The following PCDHGB5 variants were observed in gnomAD, a reference collection of about 807,000 sequenced individuals.
The protein encoded by PCDHGB5 is protocadherin gamma-B5.
In PCDHGB5, 48 loss-of-function variants were observed where a neutral mutation model predicts 62.9. The ratio of observed to expected loss-of-function variants is 0.76; its 90% confidence interval spans 0.61 to 0.97. PCDHGB5 has a LOEUF of 0.97. Ranked by LOEUF, PCDHGB5 falls within the 50% of genes least tolerant of loss-of-function variation. The pLI is 0.00. For missense variants in PCDHGB5, 1,118 were observed against 1,198.6 expected, an observed-to-expected ratio of 0.93 and a Z score of 0.99; for synonymous variants, 474 against 511.2, an observed-to-expected ratio of 0.93 and a Z score of 0.98.
At chr5:141,499,689 CT>C (rs545067566) in intron 2 of PCDHGB5, among the ~76,000 whole-genome samples, 4,434 of 119,828 alleles carry the variant, frequency 0.037, 46 homozygotes, top group African/African-American at 0.083. Context: ...TAACAGATGA[CT>C]TTTTTTTTTT....
rs992096722 is a variant in PCDHGB5, at chr5:141,413,506, A to G, written c.2397+12982A>G. 3 of 1,613,910 alleles carry G rather than the reference A, an allele frequency of 1.9e-6. No individual in the cohort carries two copies. The highest frequency in any genetic ancestry group is 2.7e-5 in the African/African-American group (2 of 74,954). On this transcript the variant is annotated intron_variant, in intron 1 of 3. Coordinates refer to ENST00000617380, the MANE Select transcript of PCDHGB5 (RefSeq NM_018925.3). ...GAGCGCGCGGTGCGTGGTGAGTTTT[A>G]ATATCCTTGTGGAAGACAGGGTGAA... is the stretch of plus-strand genomic sequence containing the variant.
chr5:141,400,054 C>G lies in PCDHGB5; in HGVS notation c.1927C>G (p.Arg643Gly). 1 of 1,613,622 alleles carries G rather than the reference C, an allele frequency of 6.2e-7. No individual in the cohort carries two copies. The highest frequency in any genetic ancestry group is 8.5e-7 in the Non-Finnish European group (1 of 1,179,850). The change falls in exon 1 of 4, where the codon CGT becomes GGT. Residue 643 changes from arginine (R) to glycine (G), a missense_variant. Physicochemically the swap from Arg to Gly is moderately radical, Grantham distance 125 (BLOSUM62 -2). Transcript: ENST00000617380. Reference protein sequence around the residue: ...AARQRLLVAVRDGGQPPLSAT... With the variant: ...AARQRLLVAVGDGGQPPLSAT... The stretch of plus-strand genomic sequence containing the variant: ...CCGCCAGCGCCTGCTGGTTGCTGTG[C>G]GTGATGGTGGACAGCCGCCACTCTC...
At chr5:141,405,907 T>C (rs1471568204) in intron 1 of PCDHGB5, among the ~76,000 whole-genome samples, 2 of 152,218 alleles carry the variant, frequency 1.3e-5, no homozygotes, top group Non-Finnish European at 2.9e-5. Context: ...AGGAGGCATT[T>C]ATTAGTTATA....
At chr5:141,433,662 C>T (rs1377052782) in intron 1 of PCDHGB5, among the ~76,000 whole-genome samples, 1 of 151,950 alleles carries the variant, frequency 6.6e-6, no homozygotes, top group Non-Finnish European at 1.5e-5. Context: ...ATGGAGAAAC[C>T]CCGTCTATAC....
chr5:141,403,248 G>A lies in PCDHGB5; in HGVS notation c.2397+2724G>A, dbSNP rs778873368. 3.1e-6 allele frequency: 5 copies of A among 1,613,928 alleles called. No homozygotes were observed. The Admixed American group carries it at 6.7e-5, about 22-fold the overall frequency. On this transcript the variant is annotated intron_variant, in intron 1 of 3. Transcript: ENST00000617380. ...GACCGGGAGGAGCTCTGTGCTCAGA[G>A]CCCGCGGTGTCTGGTGAACTTTAAA...
At chr5:141,460,502 G>A (rs1300155108) in intron 1 of PCDHGB5, among the ~76,000 whole-genome samples, 1 of 152,094 alleles carries the variant, frequency 6.6e-6, no homozygotes, top group Non-Finnish European at 1.5e-5. Flanking sequence ...AAAATATGCT[G>A]AGAAGGCTAT....
chr5:141,491,232 G>C lies in PCDHGB5; in HGVS notation c.2398-3575G>C. The C allele has an allele frequency of 6.2e-7, 1 of 1,614,220 alleles. No individual in the cohort carries two copies. Among genetic ancestry groups the C allele is most frequent in the Non-Finnish European group, 8.5e-7 (1 of 1,180,034 alleles). On this transcript the variant is annotated intron_variant, in intron 1 of 3. Coordinates refer to ENST00000617380, the MANE Select transcript of PCDHGB5 (RefSeq NM_018925.3). The surrounding 1 kb of genome is among the most constrained non-coding windows in gnomAD (Gnocchi z 6.9). ...TCTCCTCCACAGCCACAGTGCTGCT[G>C]GTTCTGGAGGATGAGGACCCTGAGG... is the stretch of plus-strand genomic sequence containing the variant.
rs1440733700 is a variant in PCDHGB5 at position 141,441,803 on chromosome 5, G to A, written c.2397+41279G>A. 249 of 383,164 alleles carry A rather than the reference G, an allele frequency of 6.5e-4. 2 individuals carry two copies. Among genetic ancestry groups the A allele is most frequent in the African/African-American group, 4.8e-3 (220 of 45,902 alleles). The allele number at this position is 383,164 out of a possible 1,614,324, so 23.7% of individuals were successfully genotyped here. The stretch of plus-strand genomic sequence containing the variant: ...ACCTGAATGACAACGCACCGCGGGT[G>A]CTGTACCCCAGCTCTGGAGCGCAAT... On this transcript the variant is annotated intron_variant, in intron 1 of 3. Coordinates refer to ENST00000617380, the MANE Select transcript of PCDHGB5 (RefSeq NM_018925.3).
Position 141,404,830 on chromosome 5 carries a change from G to A in PCDHGB5, c.2397+4306G>A, listed in dbSNP as rs775106144. The A allele has an allele frequency of 3.7e-6, 6 of 1,613,932 alleles. No individual in the cohort carries two copies. In the East Asian group the frequency reaches 1.3e-4, roughly 36 times the overall value. ...CGGTGGGGCTGCACACAGGTGAAGT[G>A]CGCACAGCTCGGGCCCTGCTAGATA... On this transcript the variant is annotated intron_variant, in intron 1 of 3. Coordinates refer to ENST00000617380, the MANE Select transcript of PCDHGB5 (RefSeq NM_018925.3).
At chr5:141,425,381 A>C (rs1374877185) in intron 1 of PCDHGB5, among the ~76,000 whole-genome samples, 3 of 152,194 alleles carry the variant, frequency 2.0e-5, no homozygotes, top group African/African-American at 7.2e-5. Flanking sequence ...GTTGATTCGG[A>C]GGTAGTGATA....
chr5:141,486,019 T>C lies in PCDHGB5; in HGVS notation c.2398-8788T>C, dbSNP rs2078071. 3.2e-3 allele frequency: 5,143 copies of C among 1,613,986 alleles called. 141 individuals carry two copies. In the South Asian group the frequency reaches 0.046, roughly 14 times the overall value. ...GTGGTAACGTCACCTTTTATTTCAG[T>C]GGTCATACCCCTGATCGTGTAAGAA... On this transcript the variant is annotated intron_variant, in intron 1 of 3. Transcript: ENST00000617380. The surrounding 1 kb of genome is among the most constrained non-coding windows in gnomAD (Gnocchi z 5.0).
rs574141234 is a variant in PCDHGB5, at chr5:141,400,402, G to T, written c.2275G>T (p.Glu759Ter). ...ATGTGTTGCACATACAGGAAAGACG[G>T]AGTTTAATTTCCTAAAATGTAGTGA... ...NLCVAHTGKT[E>*]FNFLKCSEQL... The change falls in exon 1 of 4, where the codon GAG becomes TAG. Residue 759 changes from glutamate to a stop codon, truncating the protein, a stop_gained. Transcript: ENST00000617380. LOFTEE classifies it high-confidence loss of function. 2 of 1,614,056 alleles carry T rather than the reference G, an allele frequency of 1.2e-6. No homozygotes were observed. Among genetic ancestry groups the T allele is most frequent in the South Asian group, 2.2e-5 (2 of 91,082 alleles).
At chr5:141,472,855 A>C (rs1179268125) in intron 1 of PCDHGB5, among the ~76,000 whole-genome samples, 3 of 151,078 alleles carry the variant, frequency 2.0e-5, no homozygotes, top group African/African-American at 7.3e-5. Flanking sequence ...GCATGGTGGC[A>C]CATGCCTGTA....
rs748223478 is a variant in PCDHGB5 at position 141,415,687 on chromosome 5, G to T, written c.2397+15163G>T. ...TTACTTTGAAGTTTGCGGCATGATG[G>T]TGGAAAGTGTAAATGCTAAAACACT... On this transcript the variant is annotated intron_variant, in intron 1 of 3. Coordinates refer to ENST00000617380, the MANE Select transcript of PCDHGB5 (RefSeq NM_018925.3). 1.1e-5 allele frequency: 17 copies of T among 1,535,300 alleles called. No individual in the cohort carries two copies. In the South Asian group the frequency reaches 1.3e-4, roughly 12 times the overall value.
chr5:141,494,815 G>T lies in PCDHGB5; in HGVS notation c.2406G>T (p.Pro802=). The change falls in exon 2 of 4, where the codon CCG becomes CCT. Residue 802 remains proline, a synonymous_variant. Transcript: ENST00000617380. ...CTCTGTTTTCTCCACAGCAAGCCCC[G>T]CCCAACACGGACTGGCGTTTCTCTC... The part of the protein sequence containing the change: ...ESTSHPELQA[P]PNTDWRFSQA... 1.2e-6 allele frequency: 2 copies of T among 1,613,976 alleles called. No individual in the cohort carries two copies. The highest frequency in any genetic ancestry group is 1.1e-5 in the South Asian group (1 of 91,072).
intron 1 of PCDHGB5, 144 bp from the exon 2 acceptor site, chr5:141,494,663 G>A: frequency 6.7e-7 from 1 of 1,499,356 alleles, no homozygotes; most frequent in Non-Finnish European, 9.0e-7. Flanking sequence ...TGTCTTTGGA[G>A]ATGAGTCCAC....
At chr5:141,450,080 C>G (rs140080701) in intron 1 of PCDHGB5, among the ~76,000 whole-genome samples, 6,313 of 144,358 alleles carry the variant, frequency 0.044, 398 homozygotes, top group Admixed American at 0.19. Context: ...GATCTTGGCT[C>G]ACTGCAACCT....
intron 1 of PCDHGB5, among the ~76,000 whole-genome samples, chr5:141,483,778 G>T (rs1012545478): frequency 1.6e-4 from 24 of 152,222 alleles, no homozygotes; most frequent in African/African-American, 5.8e-4. Context: ...ATTGGGGAAG[G>T]ATAAGAACTC....
intron 1 of PCDHGB5, chr5:141,475,997 G>T: frequency 8.4e-7 from 1 of 1,184,406 alleles, no homozygotes; most frequent in Non-Finnish European, 1.2e-6. Flanking sequence ...CAAATCAACG[G>T]CATCCAGAAA....
Sources: allele counts gnomAD v4.1 joint callset (sites outside exome capture counted in the v4.1 genomes callset), GRCh38; gene constraint gnomAD v4.1.1; non-coding constraint Gnocchi (gnomAD v3.1); transcripts MANE v1.5; gene names NCBI Gene and HGNC (gene_info 2026-07-23, HGNC 2026-07-21).